The following DPYSL5 variants were observed in gnomAD, a reference collection of about 807,000 sequenced individuals.
DPYSL5 encodes the protein dihydropyrimidinase-related protein 5.
A neutral mutation model predicts 58.4 loss-of-function variants in DPYSL5; 9 were observed. That is an observed-to-expected ratio of 0.15 (90% confidence interval 0.09 to 0.27). The LOEUF is 0.27. Ranked by LOEUF, DPYSL5 falls within the 10% of genes least tolerant of loss-of-function variation. DPYSL5 has a pLI of 1.00. For synonymous variants in DPYSL5, 293 were observed against 301.9 expected (o/e 0.97, Z 0.31); for missense variants, 499 against 770.6 (o/e 0.65, Z 4.17).
Position 26,942,149 on chromosome 2 carries a change from TGCATTACAGA to T in DPYSL5, c.1232+58_1232+67del. ...GGGGCTTGGGATTTTGAAGAAGACT[TGCATTACAGA>T]TCTCCAAAAGCATATAATTTTGCAC... is the stretch of plus-strand genomic sequence containing the variant. On this transcript the variant is annotated intron_variant, in intron 10 of 12. Coordinates refer to ENST00000288699, the MANE Select transcript of DPYSL5 (RefSeq NM_020134.4). The surrounding 1 kb of genome is among the most constrained non-coding windows in gnomAD (Gnocchi z 5.9). 1 of 1,605,328 alleles carries T rather than the reference TGCATTACAGA, an allele frequency of 6.2e-7. No individual in the cohort carries two copies. Among genetic ancestry groups the T allele is most frequent in the Non-Finnish European group, 8.5e-7 (1 of 1,175,580 alleles).
chr2:26,913,891 C>T (rs1241196986), intron 2 of DPYSL5, among the ~76,000 whole-genome samples: 1 of 151,334 alleles, frequency 6.6e-6, no homozygotes, highest in African/African-American at 2.4e-5. Context: ...ACCATAAAAA[C>T]CATGCATGCT....
chr2:26,942,310 T>A lies in DPYSL5; in HGVS notation c.1232+218T>A, dbSNP rs923752868. Among the ~76,000 whole-genome samples the A allele has an allele frequency of 6.6e-6, 1 of 152,220 alleles. No homozygotes were observed. The highest frequency in any genetic ancestry group is 6.5e-5 in the Admixed American group (1 of 15,280). ...TCTCCTCTTCTTATAAGGACACCGA[T>A]AAGACTGGATTAGGGCCCACCTATA... is the stretch of plus-strand genomic sequence containing the variant. On this transcript the variant is annotated intron_variant, in intron 10 of 12. Coordinates refer to ENST00000288699, the MANE Select transcript of DPYSL5 (RefSeq NM_020134.4). The surrounding 1 kb of genome is among the most constrained non-coding windows in gnomAD (Gnocchi z 5.9).
At chr2:26,850,952 A>G (rs1202262481) in intron 1 of DPYSL5, among the ~76,000 whole-genome samples, 2 of 150,788 alleles carry the variant, frequency 1.3e-5, no homozygotes, top group African/African-American at 5.0e-5. Context: ...TGAATTATAT[A>G]TATGTATATA....
Position 26,947,136 on chromosome 2 carries a change from A to G in DPYSL5, c.*141A>G, listed in dbSNP as rs940326756. ...CCCCGGGACCCACGGAGCCCTCCCT[A>G]TGTCTGCAAAGTGATTCACTGTGCT... On this transcript the variant is annotated 3_prime_UTR_variant, in exon 13 of 13. Coordinates refer to ENST00000288699, the MANE Select transcript of DPYSL5 (RefSeq NM_020134.4). This position sits in a 1 kb window ranked among gnomAD's most constrained non-coding sequence, Gnocchi z 4.2. 4 of 633,582 alleles carry G rather than the reference A, an allele frequency of 6.3e-6. No homozygotes were observed. The highest frequency in any genetic ancestry group is 2.8e-5 in the East Asian group (1 of 36,042). The allele number at this position is 633,582 out of a possible 1,614,324, so 39.2% of individuals were successfully genotyped here.
In DPYSL5 at chr2:26,940,046, C is replaced by G; in HGVS notation, c.963C>G (p.Ile321Met). The change falls in exon 9 of 13, where the codon ATC becomes ATG. Residue 321 changes from isoleucine to methionine, a missense_variant. By Grantham distance (10) the Ile-to-Met change is conservative (BLOSUM62 1). Coordinates refer to ENST00000288699, the MANE Select transcript of DPYSL5 (RefSeq NM_020134.4). ...MSLLANDTLN[I>M]VASDHRPFTT... Reference sequence around the variant, plus strand: ...CTCTACCCAGTGACACTCTGAACATCGTGGCATCAGATCACCGGCCTTTCA... The same window carrying G: ...CTCTACCCAGTGACACTCTGAACATGGTGGCATCAGATCACCGGCCTTTCA... 3 of 1,614,176 alleles carry G rather than the reference C, an allele frequency of 1.9e-6. No individual in the cohort carries two copies. In the South Asian group the frequency reaches 3.3e-5, roughly 18 times the overall value.
At chr2:26,916,116 C>G (rs957696618) in intron 2 of DPYSL5, among the ~76,000 whole-genome samples, 1 of 152,092 alleles carries the variant, frequency 6.6e-6, no homozygotes, top group Non-Finnish European at 1.5e-5. Context: ...TTCAGTCACC[C>G]AAGCATAAAA....
chr2:26,884,539 C>CACACACAT (rs1663664653), intron 1 of DPYSL5, among the ~76,000 whole-genome samples: 1 of 152,014 alleles, frequency 6.6e-6, no homozygotes, highest in Non-Finnish European at 1.5e-5. Flanking sequence ...CACACACACA[C>CACACACAT]ACACACACAC....
Position 26,933,285 on chromosome 2 carries a change from G to A in DPYSL5, c.742G>A (p.Val248Met), listed in dbSNP as rs1665083296. The change falls in exon 7 of 13, where the codon GTG (valine) becomes ATG (methionine). Residue 248 changes from valine (V) to methionine (M), a missense_variant. Physicochemically the swap from Val to Met is conservative, Grantham distance 21. Coordinates refer to ENST00000288699, the MANE Select transcript of DPYSL5 (RefSeq NM_020134.4). This position sits in a 1 kb window ranked among gnomAD's most constrained non-coding sequence, Gnocchi z 4.2. ...RTHCPIYLVNVSSISAGDVIA... is the reference protein window; with the variant it reads ...RTHCPIYLVNMSSISAGDVIA... ...TCACTGTCCAATCTACCTGGTCAAC[G>A]TGTCCAGTATCTCGGCTGGTGACGT... is the stretch of plus-strand genomic sequence containing the variant. 4 of 1,614,154 alleles carry A rather than the reference G, an allele frequency of 2.5e-6. No homozygotes were observed. Among genetic ancestry groups the A allele is most frequent in the East Asian group, 2.2e-5 (1 of 44,884 alleles).
At chr2:26,932,177 A>AAGAAAGAAAGAAAGAAAGAC (rs1665034652) in intron 6 of DPYSL5, among the ~76,000 whole-genome samples, 3 of 78,524 alleles carry the variant, frequency 3.8e-5, no homozygotes, top group Non-Finnish European at 7.9e-5. Flanking sequence ...GAAAGAAAGA[A>AAGAAAGAAAGAAAGAAAGAC]AGAAAGAAAG....
chr2:26,937,115 A>G (rs1201889783), intron 8 of DPYSL5, among the ~76,000 whole-genome samples: 1 of 152,124 alleles, frequency 6.6e-6, no homozygotes. Flanking sequence ...TACTGAAAGA[A>G]CAAAAAAGAT....
Position 26,942,673 on chromosome 2 carries a change from G to C in DPYSL5, c.1363G>C (p.Ala455Pro). Residue 455 changes from alanine (A) to proline (P), a missense_variant, in exon 11 of 13, where the codon GCC (alanine) becomes CCC (proline). This residue lies in a region of DPYSL5 where 404 missense variants were observed against 647.6 expected (regional missense o/e 0.62). Coordinates refer to ENST00000288699, the MANE Select transcript of DPYSL5 (RefSeq NM_020134.4). This position sits in a 1 kb window ranked among gnomAD's most constrained non-coding sequence, Gnocchi z 5.9. ...GTATGAGAACGGCGTCTTCATGTGCGCCGAGGGCACCGGCAAGTTCTGTCC... is the reference window on the plus strand; with the variant it reads ...GTATGAGAACGGCGTCTTCATGTGCCCCGAGGGCACCGGCAAGTTCTGTCC... ...VVYENGVFMC[A>P]EGTGKFCPLR... 1 of 1,614,160 alleles carries C rather than the reference G, an allele frequency of 6.2e-7. No individual in the cohort carries two copies. The highest frequency in any genetic ancestry group is 8.5e-7 in the Non-Finnish European group (1 of 1,180,042).
At chr2:26,914,533 C>T (rs1664517330) in intron 2 of DPYSL5, among the ~76,000 whole-genome samples, 2 of 152,186 alleles carry the variant, frequency 1.3e-5, no homozygotes, top group Admixed American at 1.3e-4. Flanking sequence ...TGCACAGCCT[C>T]CTGACCCATG....
In DPYSL5 at chr2:26,944,617, G is replaced by A; in HGVS notation, c.1441-39G>A. 2.5e-6 allele frequency: 4 copies of A among 1,603,774 alleles called. No homozygotes were observed. Among genetic ancestry groups the A allele is most frequent in the Non-Finnish European group, 3.4e-6 (4 of 1,174,078 alleles). ...GGTTGTATCACTCAGCTCTGATGGT[G>A]TTGTCCTGTTCTTCTGCTCTTCTTC... is the stretch of plus-strand genomic sequence containing the variant. On this transcript the variant is annotated intron_variant, in intron 11 of 12. Transcript: ENST00000288699. This position sits in a 1 kb window ranked among gnomAD's most constrained non-coding sequence, Gnocchi z 4.4.
rs1364359417 is a variant in DPYSL5 at position 26,925,855 on chromosome 2, G to A, written c.420+810G>A. On this transcript the variant is annotated intron_variant, in intron 3 of 12. Transcript: ENST00000288699. The surrounding 1 kb of genome is among the most constrained non-coding windows in gnomAD (Gnocchi z 4.5). ...ATTATTTATTAAGCCCCATGTACCA[G>A]TACTTTGGTGGGTGCCCCAGAATCA... Among the ~76,000 whole-genome samples the A allele has an allele frequency of 1.3e-5, 2 of 152,148 alleles. No homozygotes were observed. Among genetic ancestry groups the A allele is most frequent in the African/African-American group, 2.4e-5 (1 of 41,428 alleles).
chr2:26,852,415 G>T (rs1214845226), intron 1 of DPYSL5, among the ~76,000 whole-genome samples: 1 of 152,192 alleles, frequency 6.6e-6, no homozygotes, highest in Non-Finnish European at 1.5e-5. Context: ...ATGTATAAAA[G>T]TGGGCACAAA....
chr2:26,920,642 G>T (rs920011735), intron 2 of DPYSL5, among the ~76,000 whole-genome samples: 21 of 152,180 alleles, frequency 1.4e-4, no homozygotes, highest in African/African-American at 5.1e-4. Flanking sequence ...GCAGGTGCCT[G>T]TAATCTCAGC....
chr2:26,938,609 C>G (rs558341838), intron 8 of DPYSL5: 1 of 152,374 alleles, frequency 6.6e-6, no homozygotes, highest in African/African-American at 2.4e-5. Flanking sequence ...ATAAGCCCTG[C>G]CAGGTCCCCC....
At chr2:26,915,361 C>A (rs1285288000) in intron 2 of DPYSL5, among the ~76,000 whole-genome samples, 1 of 152,212 alleles carries the variant, frequency 6.6e-6, no homozygotes, top group African/African-American at 2.4e-5. Context: ...CTTCTCCCAC[C>A]ATTGCCCTGC....
Position 26,942,705 on chromosome 2 carries a change from G to A in DPYSL5, c.1395G>A (p.Arg465=), listed in dbSNP as rs1311578385. Residue 465 remains arginine (R), a synonymous_variant, in exon 11 of 13, where the codon AGG becomes AGA. Coordinates refer to ENST00000288699, the MANE Select transcript of DPYSL5 (RefSeq NM_020134.4). The surrounding 1 kb of genome is among the most constrained non-coding windows in gnomAD (Gnocchi z 5.9). Reference sequence around the variant, plus strand: ...GCACCGGCAAGTTCTGTCCCCTGAGGTCCTTCCCAGACACTGTCTACAAGA... The same window carrying A: ...GCACCGGCAAGTTCTGTCCCCTGAGATCCTTCCCAGACACTGTCTACAAGA... ...AEGTGKFCPL[R]SFPDTVYKKL... is the part of the protein sequence containing the mutation. The A allele has an allele frequency of 1.2e-6, 2 of 1,613,962 alleles. No individual in the cohort carries two copies. The highest frequency in any genetic ancestry group is 8.5e-7 in the Non-Finnish European group (1 of 1,180,038).
Sources: allele counts gnomAD v4.1 joint callset (sites outside exome capture counted in the v4.1 genomes callset), GRCh38; gene constraint gnomAD v4.1.1; regional missense constraint gnomAD v4.1.1; non-coding constraint Gnocchi (gnomAD v3.1); transcripts MANE v1.5; gene names NCBI Gene and HGNC (gene_info 2026-07-23, HGNC 2026-07-21).